RAD21: variants seen among roughly 807,000 people sequenced by gnomAD.
RAD21 encodes the protein RAD21 cohesin complex component, also known as double-strand-break repair protein rad21 homolog.
A neutral mutation model predicts 71.5 loss-of-function variants in RAD21; 18 were observed. The observed-to-expected ratio is 0.25, with a 90% confidence interval of 0.17 to 0.37. The LOEUF is 0.37. Among genes scored for constraint, RAD21 ranks in the 10% least tolerant of loss-of-function variants. The pLI, the probability that RAD21 is intolerant of heterozygous loss-of-function variation, is 1.00. For synonymous variants in RAD21, 248 were observed against 254.0 expected (o/e 0.98, Z 0.22); for missense variants, 493 against 769.1 (o/e 0.64, Z 4.25).
At chr8:116,861,969 C>G in intron 3 of RAD21, 29 bp from the exon 4 acceptor site, 1 of 1,512,888 alleles carries the variant, frequency 6.6e-7, no homozygotes, top group Non-Finnish European at 9.2e-7. Flanking sequence ...GCTTAAATAT[C>G]TAGCTACCCA....
At chr8:116,864,123 C>T (rs764827431) in intron 2 of RAD21, among the ~76,000 whole-genome samples, 9 of 151,822 alleles carry the variant, frequency 5.9e-5, no homozygotes, top group Admixed American at 2.6e-4. Context: ...ACATGGGATA[C>T]AGTATGTGGA....
intron 1 of RAD21, among the ~76,000 whole-genome samples, chr8:116,869,021 T>TC (rs1812754451): frequency 6.6e-6 from 1 of 151,960 alleles, no homozygotes; most frequent in African/African-American, 2.4e-5. Context: ...GACAAAACTT[T>TC]TAAAAAATGG....
chr8:116,864,327 A>C (rs16889003), intron 2 of RAD21, among the ~76,000 whole-genome samples: 15 of 152,276 alleles, frequency 9.9e-5, no homozygotes, highest in African/African-American at 3.4e-4. Flanking sequence ...ACATTTGCTT[A>C]ATGTTTAAAT....
intron 3 of RAD21, 86 bp from the exon 4 acceptor site, chr8:116,862,026 A>G: frequency 3.0e-6 from 3 of 1,016,624 alleles, no homozygotes; most frequent in Non-Finnish European, 4.6e-6. Context: ...TAACTTCCTA[A>G]GTTTATATTC....
intron 13 of RAD21, among the ~76,000 whole-genome samples, chr8:116,848,003 C>G (rs1054797129): frequency 1.4e-4 from 21 of 152,196 alleles, no homozygotes; most frequent in Admixed American, 1.2e-3. Context: ...ACCTGCTCCC[C>G]CTTTGCCTTC....
At chr8:116,867,640 T>C (rs1218636474) in intron 1 of RAD21, among the ~76,000 whole-genome samples, 2 of 152,308 alleles carry the variant, frequency 1.3e-5, no homozygotes, top group Middle Eastern at 3.4e-3. Context: ...TTAAAACAAA[T>C]CTATTGTTCT....
chr8:116,868,946 A>G lies in RAD21; in HGVS notation c.-32-2185T>C, dbSNP rs541631228. ...CGCACGCACGCACACACCCCCCACA[A>G]AACAAAAAAGGCAAGGAAAAAACCC... On this transcript the variant is annotated intron_variant, in intron 1 of 13. Transcript: ENST00000297338. Among the ~76,000 whole-genome samples the G allele has an allele frequency of 2.0e-3, 308 of 152,128 alleles. 1 individual carries two copies. Among genetic ancestry groups the G allele is most frequent in the Non-Finnish European group, 3.2e-3 (217 of 67,996 alleles).
In RAD21 at chr8:116,846,580, G is replaced by C. The variant is rs1468343649; in HGVS notation, c.*920C>G. The C allele has an allele frequency of 4.4e-6, 1 of 229,022 alleles. No homozygotes were observed. Among genetic ancestry groups the C allele is most frequent in the Admixed American group, 5.7e-5 (1 of 17,644 alleles). The allele number at this position is 229,022 out of a possible 1,614,324, so 14.2% of individuals were successfully genotyped here. A position where few individuals can be genotyped will look rare whatever the true frequency, so the allele number is the denominator to read the frequency against. On this transcript the variant is annotated 3_prime_UTR_variant, in exon 14 of 14. Transcript: ENST00000297338. ...ACAATAAATATCAGAGAAGCCGTTA[G>C]TTTTTACAGCATCGTCTGCTTAAAA...
intron 3 of RAD21, among the ~76,000 whole-genome samples, chr8:116,862,376 C>T (rs1563692347): frequency 6.6e-6 from 1 of 151,056 alleles, no homozygotes; most frequent in African/African-American, 2.4e-5. Context: ...CTTTGAAAGA[C>T]AAAAAAAAGC....
intron 3 of RAD21, 44 bp downstream of exon 3, chr8:116,863,086 C>T (rs1812623948): frequency 6.4e-7 from 1 of 1,556,380 alleles, no homozygotes; most frequent in Admixed American, 1.8e-5. Flanking sequence ...TGAGAAACTC[C>T]AAAGTAAACA....
chr8:116,871,824 G>A (rs1359059856), intron 1 of RAD21, among the ~76,000 whole-genome samples: 1 of 152,224 alleles, frequency 6.6e-6, no homozygotes, highest in Non-Finnish European at 1.5e-5. Flanking sequence ...GAAAACAGAT[G>A]AAGATAAGTA....
chr8:116,853,866 C>T (rs143506776), intron 9 of RAD21, among the ~76,000 whole-genome samples: 94 of 152,204 alleles, frequency 6.2e-4, no homozygotes, highest in African/African-American at 2.2e-3. Context: ...CAACAAAAAA[C>T]CTCCTGAAGC....
intron 13 of RAD21, 125 bp from the exon 14 acceptor site, chr8:116,847,816 T>TA (rs1445813005): frequency 5.3e-6 from 5 of 937,536 alleles, no homozygotes; most frequent in African/African-American, 1.7e-5. Context: ...TTCCCAGTGT[T>TA]AGAGATGGAG....
At chr8:116,850,277 T>A (rs1812320781) in intron 12 of RAD21, among the ~76,000 whole-genome samples, 1 of 151,990 alleles carries the variant, frequency 6.6e-6, no homozygotes, top group Non-Finnish European at 1.5e-5. Context: ...ACAGAAAAGG[T>A]TATATCAGAA....
chr8:116,866,039 C>T (rs3020126), intron 2 of RAD21, among the ~76,000 whole-genome samples: 3,647 of 152,164 alleles, frequency 0.024, 135 homozygotes, highest in East Asian at 0.15. Flanking sequence ...AACTATTATA[C>T]TATCATGCAA....
rs113192990 is a variant in RAD21, at chr8:116,870,516, C to G, written c.-32-3755G>C. 1.1e-3 allele frequency among the ~76,000 whole-genome samples: 175 copies of G among 152,326 alleles called. 1 individual carries two copies. The highest frequency in any genetic ancestry group is 3.8e-3 in the African/African-American group (160 of 41,574). On this transcript the variant is annotated intron_variant, in intron 1 of 13. Coordinates refer to ENST00000297338, the MANE Select transcript of RAD21 (RefSeq NM_006265.3). ...TATAGATTAAAACATGCTTCCCATA[C>G]CGGAAGAGAGCCTCCTATGTTTCAA...
intron 2 of RAD21, among the ~76,000 whole-genome samples, chr8:116,865,373 T>C (rs1812668446): frequency 6.6e-6 from 1 of 152,236 alleles, no homozygotes; most frequent in East Asian, 1.9e-4. Flanking sequence ...GCCACACATA[T>C]ACTTTCCAGA....
intron 1 of RAD21, among the ~76,000 whole-genome samples, chr8:116,868,749 A>G (rs1050066375): frequency 1.3e-4 from 20 of 152,182 alleles, no homozygotes; most frequent in African/African-American, 4.8e-4. Flanking sequence ...AGCAGAGGAA[A>G]CACAGTCAAT....
In RAD21 at chr8:116,866,441, TAAG is replaced by T. The variant is rs1182861197; in HGVS notation, c.144+142_144+144del. ...TCATATCAAGTCTATCTAGAGGTGA[TAAG>T]GACTTCACATAATAAAGAAACATTT... On this transcript the variant is annotated intron_variant, in intron 2 of 13. Transcript: ENST00000297338. The T allele has an allele frequency of 4.7e-6, 3 of 633,742 alleles. No homozygotes were observed. The African/African-American group carries it at 5.6e-5, about 12-fold the overall frequency. 39.3% of individuals were successfully genotyped at this position (633,742 alleles called of 1,614,324 possible). A position where few individuals can be genotyped will look rare whatever the true frequency, so the allele number is the denominator to read the frequency against.
Sources: gnomAD v4.1 joint callset for allele counts (sites outside exome capture counted in the v4.1 genomes callset) on GRCh38, gnomAD v4.1.1 for gene constraint, MANE v1.5 for transcripts, NCBI Gene and HGNC (gene_info 2026-07-23, HGNC 2026-07-21) for gene names.